USP28: variants seen among roughly 807,000 people sequenced by gnomAD.
The protein encoded by USP28 is ubiquitin carboxyl-terminal hydrolase 28.
A neutral mutation model predicts 145.0 loss-of-function variants in USP28; 113 were observed. The ratio of observed to expected loss-of-function variants is 0.78; its 90% CI spans 0.67 to 0.91. The LOEUF (loss-of-function observed/expected upper bound fraction) is 0.91, where lower values mean the gene tolerates loss of function less well. Among genes scored for constraint, USP28 ranks in the 40% least tolerant of loss-of-function variants. The pLI is 0.00. For missense variants in USP28, 1,201 were observed against 1,289.6 expected, an observed-to-expected ratio of 0.93 and a Z score of 1.05; for synonymous variants, 447 against 450.9, an observed-to-expected ratio of 0.99 and a Z score of 0.11.
chr11:113,869,699 A>G (rs899427044), intron 1 of USP28, among the ~76,000 whole-genome samples: 1 of 152,238 alleles, frequency 6.6e-6, no homozygotes, highest in Non-Finnish European at 1.5e-5. Context: ...AGGGTGGTAC[A>G]TAGCATATGG....
In USP28 at chr11:113,845,565, C is replaced by CA. The variant is rs559596317; in HGVS notation, c.269-3798dup. On this transcript the variant is annotated intron_variant, in intron 3 of 24. Transcript: ENST00000003302. ...ACCAGTAATCCTACTTCTGGGTATCCAAAAGAATCTAAAGCAGGGTCTTTT... is the reference window on the plus strand; with the variant it reads ...ACCAGTAATCCTACTTCTGGGTATCCAAAAAGAATCTAAAGCAGGGTCTTTT... Among the ~76,000 whole-genome samples the CA allele has an allele frequency of 1.2e-4, 19 of 152,150 alleles. No individual in the cohort carries two copies. The South Asian group carries it at 3.5e-3, about 28-fold the overall frequency.
At chr11:113,841,816 C>T (rs756142335) in intron 3 of USP28, 48 bp from the exon 4 acceptor site, 1 of 1,289,852 alleles carries the variant, frequency 7.8e-7, no homozygotes, top group Non-Finnish European at 1.1e-6. Context: ...GGAAACACTG[C>T]CCTTCTGTAA....
chr11:113,808,102 T>G, intron 18 of USP28: 1 of 1,478,542 alleles, frequency 6.8e-7, no homozygotes, highest in Non-Finnish European at 9.0e-7. Context: ...GTTTGTTTCC[T>G]GGGGCATGGG....
At chr11:113,851,605 G>A (rs1390595832) in intron 3 of USP28, among the ~76,000 whole-genome samples, 2 of 152,136 alleles carry the variant, frequency 1.3e-5, no homozygotes, top group African/African-American at 4.8e-5. Context: ...AGACCAGCTG[G>A]CCAACATGGT....
intron 2 of USP28, 119 bp downstream of exon 2, chr11:113,854,139 G>A: frequency 4.5e-6 from 4 of 883,324 alleles, no homozygotes; most frequent in Admixed American, 2.4e-5. Context: ...CATTTGACCT[G>A]TAGAGCTTCT....
At chr11:113,813,175 G>A (rs1361083890) in intron 15 of USP28, among the ~76,000 whole-genome samples, 1 of 152,178 alleles carries the variant, frequency 6.6e-6, no homozygotes, top group Non-Finnish European at 1.5e-5. Context: ...TACTGGTGAA[G>A]ATTTTTGAAT....
intron 3 of USP28, among the ~76,000 whole-genome samples, chr11:113,850,879 C>T (rs1054829378): frequency 6.6e-6 from 1 of 152,216 alleles, no homozygotes; most frequent in African/African-American, 2.4e-5. Flanking sequence ...CCTGGGTCTC[C>T]ACCATCTTTC....
intron 17 of USP28, among the ~76,000 whole-genome samples, chr11:113,808,813 G>A (rs577830714): frequency 5.3e-5 from 8 of 152,276 alleles, no homozygotes; most frequent in Non-Finnish European, 8.8e-5. Context: ...CATAACCTGG[G>A]AAATAAGCAA....
chr11:113,800,483 G>A (rs1938795665), intron 24 of USP28, among the ~76,000 whole-genome samples: 1 of 151,818 alleles, frequency 6.6e-6, no homozygotes, highest in South Asian at 2.1e-4. Flanking sequence ...TAGAGGCAGG[G>A]TCTCACTATG....
chr11:113,843,811 A>T (rs941607183), intron 3 of USP28, among the ~76,000 whole-genome samples: 8 of 152,340 alleles, frequency 5.3e-5, no homozygotes, highest in Admixed American at 4.6e-4. Flanking sequence ...ATAGTCCAGA[A>T]ATAAACTCTT....
At chr11:113,862,962 C>T (rs943535840) in intron 1 of USP28, among the ~76,000 whole-genome samples, 10 of 152,178 alleles carry the variant, frequency 6.6e-5, no homozygotes, top group African/African-American at 2.4e-4. Flanking sequence ...GAAAGCTTTA[C>T]CCCTAAAATC....
At chr11:113,811,565 G>C (rs1005575698) in intron 16 of USP28, among the ~76,000 whole-genome samples, 1 of 152,144 alleles carries the variant, frequency 6.6e-6, no homozygotes, top group Non-Finnish European at 1.5e-5. Flanking sequence ...GTGGGCACCT[G>C]TAATTCCAGC....
rs140896766 is a variant in USP28 at position 113,841,570 on chromosome 11, T to C, written c.374+93A>G. 2.1e-4 allele frequency: 158 copies of C among 750,098 alleles called. No individual in the cohort carries two copies. In the African/African-American group the frequency reaches 2.4e-3, roughly 12 times the overall value. 46.5% of individuals were successfully genotyped at this position (750,098 alleles called of 1,614,324 possible). On this transcript the variant is annotated intron_variant, in intron 4 of 24. Transcript: ENST00000003302. The stretch of plus-strand genomic sequence containing the variant: ...CTAAAAGAAATGTCATTCAGGTGCT[T>C]AACAGAATTATTCCTGAGTGGCATT...
intron 5 of USP28, among the ~76,000 whole-genome samples, chr11:113,837,336 A>G (rs905924749): frequency 6.6e-6 from 1 of 152,216 alleles, no homozygotes; most frequent in Admixed American, 6.5e-5. Context: ...GGGAACTCGC[A>G]TGCATCCAGT....
At chr11:113,797,988 GA>G (rs917643836) in exon 25 of USP28, 15 of 148,856 alleles carry the variant, frequency 1.0e-4, no homozygotes, top group Admixed American at 6.7e-4. Flanking sequence ...TATCCAATCA[GA>G]AGCCTTTTAA....
intron 2 of USP28, among the ~76,000 whole-genome samples, chr11:113,853,893 G>GTA (rs1365304710): frequency 0.012 from 1,113 of 93,556 alleles, 22 homozygotes; most frequent in African/African-American, 0.043. Flanking sequence ...AAAAAAAAAA[G>GTA]TATATATATA....
chr11:113,870,976 C>A (rs543890564), intron 1 of USP28, among the ~76,000 whole-genome samples: 5 of 152,166 alleles, frequency 3.3e-5, no homozygotes, highest in Admixed American at 6.6e-5. Flanking sequence ...GACAAGTGCA[C>A]GGTAAAATGG....
chr11:113,823,808 C>A, intron 11 of USP28, 108 bp from the exon 12 acceptor site: 1 of 792,548 alleles, frequency 1.3e-6, no homozygotes, highest in Non-Finnish European at 1.9e-6. Context: ...TATAGGGCAT[C>A]TATAAAAAAC....
chr11:113,812,086 T>C (rs1235490441), intron 16 of USP28, among the ~76,000 whole-genome samples, 190 bp downstream of exon 16: 1 of 152,192 alleles, frequency 6.6e-6, no homozygotes, highest in African/African-American at 2.4e-5. Context: ...GTGGGACCCA[T>C]GGTCAAGGAA....
Sources: allele counts gnomAD v4.1 joint callset (sites outside exome capture counted in the v4.1 genomes callset), GRCh38; gene constraint gnomAD v4.1.1; transcripts MANE v1.5; gene names NCBI Gene and HGNC (gene_info 2026-07-23, HGNC 2026-07-21).